TCF12: variants seen among roughly 807,000 people sequenced by gnomAD.
TCF12 encodes the protein transcription factor 12, also known as DNA-binding protein HTF4.
In TCF12, 45 loss-of-function variants were observed where a neutral mutation model predicts 86.0. That is an observed-to-expected ratio of 0.52 (90% confidence interval 0.41 to 0.67). The LOEUF is 0.67. TCF12 is among the 30% of genes least tolerant of loss of function. TCF12 has a pLI of 0.00. For missense variants in TCF12, 881 were observed against 859.9 expected (o/e 1.02, Z -0.31); for synonymous variants, 330 against 299.6 (o/e 1.10, Z -1.05).
At chr15:57,150,871 G>GTCCGTCCC (rs2053685818) in intron 5 of TCF12, among the ~76,000 whole-genome samples, 1 of 48,832 alleles carries the variant, frequency 2.0e-5, no homozygotes, top group Non-Finnish European at 3.7e-5. Flanking sequence ...CTCCCCCTCT[G>GTCCGTCCC]TCCCTTCCTT....
chr15:57,232,451 A>G (rs772835753), intron 10 of TCF12, 21 bp downstream of exon 10: 129 of 1,576,564 alleles, frequency 8.2e-5, no homozygotes, highest in Non-Finnish European at 1.1e-4. Flanking sequence ...ACACGTGACT[A>G]GGGTACAGCA....
chr15:56,976,274 A>G (rs1268747778), intron 3 of TCF12, among the ~76,000 whole-genome samples: 1 of 119,208 alleles, frequency 8.4e-6, no homozygotes, highest in Non-Finnish European at 1.6e-5. Context: ...TCTGTCACCC[A>G]GGCTAGCGTG....
chr15:57,123,968 C>CAACAAAAAAAAAAAA (rs1369376179), intron 5 of TCF12, among the ~76,000 whole-genome samples: 1 of 81,092 alleles, frequency 1.2e-5, no homozygotes, highest in African/African-American at 4.1e-5. Flanking sequence ...GACTCCGTCT[C>CAACAAAAAAAAAAAA]AAAAAAAAAA....
chr15:57,002,109 C>T (rs1461993709), intron 3 of TCF12, among the ~76,000 whole-genome samples: 1 of 152,138 alleles, frequency 6.6e-6, no homozygotes, highest in East Asian at 1.9e-4. Flanking sequence ...ATGATTGGAG[C>T]ACAAGTGGTG....
intron 3 of TCF12, among the ~76,000 whole-genome samples, chr15:57,058,985 A>T (rs2068239634): frequency 6.6e-6 from 1 of 152,232 alleles, no homozygotes; most frequent in Non-Finnish European, 1.5e-5. Context: ...GAATAAAGAC[A>T]CTATTAAAAA....
intron 8 of TCF12, 152 bp downstream of exon 8, chr15:57,197,977 A>C (rs1597247390): frequency 1.3e-6 from 1 of 759,928 alleles, no homozygotes; most frequent in Non-Finnish European, 2.1e-6. Context: ...ATTGAGGTAA[A>C]TCCACATTTA....
At chr15:57,147,590 T>TA (rs1175647296) in intron 5 of TCF12, among the ~76,000 whole-genome samples, 3 of 151,984 alleles carry the variant, frequency 2.0e-5, no homozygotes, top group Admixed American at 2.0e-4. Flanking sequence ...AAGTATAAAA[T>TA]AAAAAACCTA....
chr15:57,000,930 AT>A (rs1198776238), intron 3 of TCF12, among the ~76,000 whole-genome samples: 2 of 149,300 alleles, frequency 1.3e-5, no homozygotes, highest in Non-Finnish European at 3.0e-5. Context: ...CTCTACAGCC[AT>A]TTTTTTCCTA....
intron 3 of TCF12, among the ~76,000 whole-genome samples, chr15:56,953,123 T>C (rs1233304206): frequency 2.0e-5 from 3 of 152,114 alleles, no homozygotes; most frequent in African/African-American, 7.2e-5. Flanking sequence ...GTTTTCTTTG[T>C]TAATTCGTTA....
chr15:57,233,731 C>T (rs1321181268), intron 11 of TCF12, among the ~76,000 whole-genome samples: 2 of 152,202 alleles, frequency 1.3e-5, no homozygotes, highest in African/African-American at 4.8e-5. Context: ...CCTGCCTCAG[C>T]CTCCCAAATT....
intron 5 of TCF12, among the ~76,000 whole-genome samples, chr15:57,152,760 G>T (rs1041586381): frequency 3.3e-5 from 5 of 152,166 alleles, no homozygotes; most frequent in Middle Eastern, 3.4e-3. Flanking sequence ...TAATGCAGAA[G>T]AAATATTTGA....
intron 4 of TCF12, among the ~76,000 whole-genome samples, chr15:57,065,354 CTACT>C (rs1204756972): frequency 6.6e-6 from 1 of 152,152 alleles, no homozygotes; most frequent in Non-Finnish European, 1.5e-5. Context: ...TGTCTTGAGG[CTACT>C]TAAACTGGTT....
At chr15:57,177,718 T>C (rs112573682) in intron 6 of TCF12, among the ~76,000 whole-genome samples, 3 of 151,946 alleles carry the variant, frequency 2.0e-5, no homozygotes, top group African/African-American at 4.8e-5. Flanking sequence ...TACTTATTTA[T>C]TTATTTATTT....
chr15:57,140,723 A>G (rs1217345993), intron 5 of TCF12, among the ~76,000 whole-genome samples: 3 of 152,178 alleles, frequency 2.0e-5, no homozygotes, highest in Non-Finnish European at 2.9e-5. Context: ...ATATAAACAA[A>G]ATTATTTTAT....
intron 13 of TCF12, among the ~76,000 whole-genome samples, chr15:57,249,566 A>G (rs1347057529): frequency 6.6e-6 from 1 of 152,182 alleles, no homozygotes; most frequent in Non-Finnish European, 1.5e-5. Flanking sequence ...CAAAATGTGT[A>G]TAATTGATGA....
chr15:57,147,684 G>A (rs1442625746), intron 5 of TCF12, among the ~76,000 whole-genome samples: 3 of 152,108 alleles, frequency 2.0e-5, no homozygotes, highest in Non-Finnish European at 4.4e-5. Context: ...ATGCAAAGGA[G>A]TTTTGGGTTC....
intron 3 of TCF12, among the ~76,000 whole-genome samples, chr15:57,039,484 A>G (rs142610933): frequency 1.3e-5 from 2 of 152,306 alleles, no homozygotes; most frequent in East Asian, 1.9e-4. Flanking sequence ...GTGGAATTCA[A>G]TTCATACCTC....
At chr15:56,990,363 A>G (rs1272075815) in intron 3 of TCF12, among the ~76,000 whole-genome samples, 1 of 152,006 alleles carries the variant, frequency 6.6e-6, no homozygotes, top group East Asian at 1.9e-4. Context: ...GACGATACAA[A>G]ATTCAGAGTG....
At chr15:57,115,763 G>A (rs754657558) in intron 5 of TCF12, among the ~76,000 whole-genome samples, 11 of 152,230 alleles carry the variant, frequency 7.2e-5, no homozygotes, top group East Asian at 1.9e-4. Context: ...TCATTTTGGC[G>A]TGTGGTGTAC....
Sources: allele counts gnomAD v4.1 joint callset (sites outside exome capture counted in the v4.1 genomes callset), GRCh38; gene constraint gnomAD v4.1.1; transcripts MANE v1.5; gene names NCBI Gene and HGNC (gene_info 2026-07-23, HGNC 2026-07-21).